Variants in UNC5D observed in about 807,000 individuals in gnomAD.
The protein encoded by UNC5D is netrin receptor UNC5D.
In UNC5D, 39 loss-of-function variants were observed where a neutral mutation model predicts 105.4. That is an observed-to-expected ratio of 0.37 (90% confidence interval 0.29 to 0.48). The LOEUF (loss-of-function observed/expected upper bound fraction) is 0.48, where lower values mean the gene tolerates loss of function less well. Among genes scored for constraint, UNC5D ranks in the 20% least tolerant of loss-of-function variants. The pLI, the probability that UNC5D is intolerant of heterozygous loss-of-function variation, is 0.98. For synonymous variants in UNC5D, 452 were observed against 450.4 expected (o/e 1.00, Z -0.04); for missense variants, 991 against 1,202.4 (o/e 0.82, Z 2.60).
intron 7 of UNC5D, among the ~76,000 whole-genome samples, chr8:35,700,400 G>T (rs1222815814): frequency 1.3e-5 from 2 of 152,032 alleles, no homozygotes; most frequent in Non-Finnish European, 2.9e-5. Context: ...ACCCATAACT[G>T]ACAGTGATTT....
chr8:35,568,303 A>G, intron 3 of UNC5D, 62 bp downstream of exon 3: 1 of 1,575,694 alleles, frequency 6.3e-7, no homozygotes. Flanking sequence ...ATAGAGCTGA[A>G]GAGAGGTTTT....
intron 1 of UNC5D, among the ~76,000 whole-genome samples, chr8:35,510,349 A>G (rs1586011621): frequency 6.7e-6 from 1 of 150,028 alleles, no homozygotes; most frequent in South Asian, 2.1e-4. Flanking sequence ...GGAGATTCCC[A>G]GGATATTAGG....
At chr8:35,474,548 A>G (rs1350393479) in intron 1 of UNC5D, among the ~76,000 whole-genome samples, 1 of 152,224 alleles carries the variant, frequency 6.6e-6, no homozygotes, top group African/African-American at 2.4e-5. Flanking sequence ...CACTTTAAAT[A>G]TTCCATAAAC....
intron 7 of UNC5D, among the ~76,000 whole-genome samples, chr8:35,687,182 G>A (rs1001369083): frequency 1.1e-4 from 16 of 152,086 alleles, no homozygotes; most frequent in Non-Finnish European, 1.8e-4. Context: ...AGTGGCTCAC[G>A]CCTGTAATCC....
chr8:35,342,679 C>T (rs1238909691), intron 1 of UNC5D, among the ~76,000 whole-genome samples: 1 of 152,054 alleles, frequency 6.6e-6, no homozygotes, highest in Non-Finnish European at 1.5e-5. Context: ...GATAAAAACC[C>T]AGAGTCTTGG....
chr8:35,484,302 C>T (rs960062272), intron 1 of UNC5D, among the ~76,000 whole-genome samples: 2 of 152,226 alleles, frequency 1.3e-5, no homozygotes, highest in South Asian at 4.1e-4. Flanking sequence ...TGGCTATACT[C>T]ACTGTCTAGG....
intron 1 of UNC5D, among the ~76,000 whole-genome samples, chr8:35,249,002 CATATATAAT>C (rs1262700581): frequency 1.4e-5 from 1 of 70,152 alleles, no homozygotes; most frequent in Non-Finnish European, 2.5e-5. Context: ...TATATATAAA[CATATATAAT>C]ATATATTATA....
chr8:35,417,941 C>T (rs1805633091), intron 1 of UNC5D, among the ~76,000 whole-genome samples: 1 of 152,076 alleles, frequency 6.6e-6, no homozygotes, highest in Admixed American at 6.5e-5. Flanking sequence ...GGACTTCTGA[C>T]TCCGATTTCC....
intron 11 of UNC5D, among the ~76,000 whole-genome samples, chr8:35,740,528 A>C (rs1381023886): frequency 6.6e-6 from 1 of 152,172 alleles, no homozygotes; most frequent in Non-Finnish European, 1.5e-5. Flanking sequence ...TTAAGCCAGT[A>C]AGTCTGTGCT....
intron 4 of UNC5D, among the ~76,000 whole-genome samples, chr8:35,648,333 A>C (rs965233451): frequency 6.6e-6 from 1 of 152,150 alleles, no homozygotes; most frequent in African/African-American, 2.4e-5. Flanking sequence ...AGTGGGACAG[A>C]GGTACCTGCT....
intron 8 of UNC5D, among the ~76,000 whole-genome samples, chr8:35,721,829 T>A (rs761962941): frequency 9.9e-5 from 15 of 152,232 alleles, no homozygotes; most frequent in Non-Finnish European, 2.1e-4. Context: ...TTTATCACTG[T>A]GTGTGGGTCT....
chr8:35,438,049 G>A (rs1337003030), intron 1 of UNC5D, among the ~76,000 whole-genome samples: 1 of 151,680 alleles, frequency 6.6e-6, no homozygotes, highest in Admixed American at 6.6e-5. Flanking sequence ...ATATTAGTAT[G>A]TTTTAAATCT....
intron 14 of UNC5D, among the ~76,000 whole-genome samples, chr8:35,762,326 A>C (rs1342944502): frequency 2.0e-5 from 3 of 152,182 alleles, no homozygotes; most frequent in African/African-American, 4.8e-5. Context: ...AGGATCAACT[A>C]GATCTTAAAT....
At chr8:35,580,449 CAAA>C (rs1027620472) in intron 3 of UNC5D, among the ~76,000 whole-genome samples, 4 of 149,358 alleles carry the variant, frequency 2.7e-5, no homozygotes, top group African/African-American at 9.9e-5. Context: ...GGAAAAAAAA[CAAA>C]AACAAAAACA....
intron 1 of UNC5D, among the ~76,000 whole-genome samples, chr8:35,253,246 T>C (rs937333954): frequency 4.0e-5 from 6 of 151,084 alleles, no homozygotes; most frequent in Non-Finnish European, 8.9e-5. Context: ...TATGGTATGT[T>C]CTCAGGAGCT....
intron 1 of UNC5D, among the ~76,000 whole-genome samples, chr8:35,296,249 T>A (rs1015122025): frequency 2.0e-5 from 3 of 152,216 alleles, no homozygotes; most frequent in Admixed American, 6.5e-5. Flanking sequence ...TTTTCCATAA[T>A]GGCTCTACCA....
chr8:35,308,112 A>G (rs1439953666), intron 1 of UNC5D, among the ~76,000 whole-genome samples: 2 of 147,782 alleles, frequency 1.4e-5, no homozygotes, highest in South Asian at 2.2e-4. Flanking sequence ...CTATGTCACA[A>G]TGTATGTGTG....
In UNC5D at chr8:35,505,990, C is replaced by T. The variant is rs113086573; in HGVS notation, c.104-43302C>T. Among the ~76,000 whole-genome samples, 427 of 152,246 alleles carry T rather than the reference C, an allele frequency of 2.8e-3. 3 individuals carry two copies. The highest frequency in any genetic ancestry group is 9.2e-3 in the African/African-American group (382 of 41,526). On this transcript the variant is annotated intron_variant, in intron 1 of 16. Coordinates refer to ENST00000404895, the MANE Select transcript of UNC5D (RefSeq NM_080872.4). ...TACTTGACACTGAGAAATTCCTTGA[C>T]GTGTGTTTAGCTATTGTCATTATTT...
chr8:35,500,568 C>T (rs1811897801), intron 1 of UNC5D, among the ~76,000 whole-genome samples: 1 of 152,016 alleles, frequency 6.6e-6, no homozygotes, highest in African/African-American at 2.4e-5. Flanking sequence ...GGAAGTAATC[C>T]CTGACATCTT....
Sources: gnomAD v4.1 joint callset for allele counts (sites outside exome capture counted in the v4.1 genomes callset) on GRCh38, gnomAD v4.1.1 for gene constraint, MANE v1.5 for transcripts, NCBI Gene and HGNC (gene_info 2026-07-23, HGNC 2026-07-21) for gene names.